OPRM1: variants seen among roughly 807,000 people sequenced by gnomAD.
OPRM1 encodes the protein opioid receptor mu 1.
Under a neutral mutation model 31.8 loss-of-function variants are expected in OPRM1, and 27 were observed. The observed-to-expected ratio is 0.85, with a 90% CI of 0.63 to 1.17. The LOEUF (loss-of-function observed/expected upper bound fraction) is 1.17. Among genes scored for constraint, OPRM1 ranks in the 50% most tolerant of loss-of-function variants. OPRM1 has a pLI of 0.00. For synonymous variants in OPRM1, 196 were observed against 189.9 expected (o/e 1.03, Z -0.26); for missense variants, 536 against 511.1 (o/e 1.05, Z -0.47).
chr6:154,243,601 T>C (rs978928523), intron 3 of OPRM1, among the ~76,000 whole-genome samples: 5 of 152,222 alleles, frequency 3.3e-5, no homozygotes, highest in East Asian at 3.9e-4. Context: ...AGATCACATG[T>C]AATTTCAAAG....
chr6:154,232,120 G>A lies in OPRM1; in HGVS notation c.1165-14573G>A, dbSNP rs75401412. The stretch of plus-strand genomic sequence containing the variant: ...CCCCTCCTTCTCTCCATACAATAGC[G>A]TCCATGGCACTGCAACTCATCTGCC... On this transcript the variant is annotated intron_variant, in intron 3 of 3. Transcript: ENST00000337049. Among the ~76,000 whole-genome samples, 7 of 152,014 alleles carry A rather than the reference G, an allele frequency of 4.6e-5. No homozygotes were observed. The South Asian group carries it at 6.2e-4, about 14-fold the overall frequency.
At position 154,039,387 on chromosome 6, in the gene OPRM1, G is replaced by T. The variant is rs202041918; in HGVS notation, c.-158G>T. On this transcript the variant is annotated 5_prime_UTR_variant, in exon 1 of 4. Coordinates refer to ENST00000330432, the MANE Select transcript of OPRM1 (RefSeq NM_000914.5). ...TCAGATGCTCAGCTCGGTCCCCTCC[G>T]CCTGACGCTCCTCTCTGTCTCAGCC... is the stretch of plus-strand genomic sequence containing the variant. 1 of 1,546,034 alleles carries T rather than the reference G, an allele frequency of 6.5e-7. No individual in the cohort carries two copies. The highest frequency in any genetic ancestry group is 8.7e-7 in the Non-Finnish European group (1 of 1,143,416).
chr6:154,013,968 C>CAAAGAACAGA (rs1562367570), intron 1 of OPRM1, among the ~76,000 whole-genome samples: 1 of 151,990 alleles, frequency 6.6e-6, no homozygotes, highest in Non-Finnish European at 1.5e-5. Context: ...GGTCATCCTA[C>CAAAGAACAGA]GCATTGAGAG....
rs1799652548 is a variant in OPRM1, at chr6:154,168,908, A to C, written c.1164+77436A>C. On this transcript the variant is annotated intron_variant, in intron 3 of 3. Coordinates refer to the OPRM1 transcript ENST00000337049. The surrounding 1 kb of genome is among the most constrained non-coding windows in gnomAD (Gnocchi z 4.1). ...GGTGTGAGCCACCACGCCCAGCCCA[A>C]CATATGAATTTTAGAGGGACACAAT... 6.6e-6 allele frequency among the ~76,000 whole-genome samples: 1 copy of C among 151,754 alleles called. No homozygotes were observed. Among genetic ancestry groups the C allele is most frequent in the Non-Finnish European group, 1.5e-5 (1 of 67,956 alleles).
chr6:154,226,225 T>C (rs1441200273), intron 3 of OPRM1, among the ~76,000 whole-genome samples: 1 of 152,180 alleles, frequency 6.6e-6, no homozygotes, highest in Admixed American at 6.5e-5. Flanking sequence ...CCAAAACCCA[T>C]ACCTTGTATC....
At chr6:154,213,266 G>C (rs1778113462) in intron 3 of OPRM1, 1 of 191,172 alleles carries the variant, frequency 5.2e-6, no homozygotes, top group Non-Finnish European at 1.1e-5. Flanking sequence ...CTCTGGCTGA[G>C]GGAGCAGGCT....
intron 3 of OPRM1, among the ~76,000 whole-genome samples, chr6:154,209,375 G>C (rs1225060330): frequency 6.6e-6 from 1 of 152,184 alleles, no homozygotes. Context: ...CTATGACTGA[G>C]TGCAGTGGCT....
At chr6:154,018,956 T>C (rs1014559444) in intron 1 of OPRM1, among the ~76,000 whole-genome samples, 2 of 152,204 alleles carry the variant, frequency 1.3e-5, no homozygotes, top group Non-Finnish European at 2.9e-5. Context: ...ATTACTTTTT[T>C]TTATTTTTTA....
rs201310502 is a variant in OPRM1 at position 154,039,759 on chromosome 6, C to G, written c.215C>G (p.Thr72Arg). The G allele has an allele frequency of 1.9e-6, 3 of 1,605,934 alleles. No individual in the cohort carries two copies. Among genetic ancestry groups the G allele is most frequent in the South Asian group, 1.1e-5 (1 of 91,048 alleles). ...AGTCCCTCCATGATCACGGCCATCA[C>G]GATCATGGCCCTCTACTCCATCGTG... is the stretch of plus-strand genomic sequence containing the variant. ...TGSPSMITAI[T>R]IMALYSIVCV... is the part of the protein sequence containing the mutation. The change falls in exon 1 of 4, where the codon ACG (threonine) becomes AGG (arginine). Residue 72 changes from threonine to arginine, a missense_variant. Transcript: ENST00000330432.
In OPRM1 at chr6:154,090,981, C is replaced by T. The variant is rs759705066; in HGVS notation, c.673C>T (p.His225Tyr). ...CATAGATTGTACACTAACATTCTCTCATCCAACCTGGTACTGGGAAAACCT... is the reference window on the plus strand; with the variant it reads ...CATAGATTGTACACTAACATTCTCTTATCCAACCTGGTACTGGGAAAACCT... ...GSIDCTLTFSHPTWYWENLLK... is the reference protein window; with the variant it reads ...GSIDCTLTFSYPTWYWENLLK... Residue 225 changes from histidine (H) to tyrosine (Y), a missense_variant, in exon 3 of 4, where the codon CAT becomes TAT. By Grantham distance (83) the His-to-Tyr change is moderately conservative. Coordinates refer to ENST00000330432, the MANE Select transcript of OPRM1 (RefSeq NM_000914.5). The T allele has an allele frequency of 1.2e-6, 2 of 1,614,018 alleles. No homozygotes were observed. Among genetic ancestry groups the T allele is most frequent in the Non-Finnish European group, 1.7e-6 (2 of 1,179,916 alleles).
At position 154,126,528 on chromosome 6, in the gene OPRM1, T is replaced by C. The variant is rs576158805; in HGVS notation, c.*7807T>C. Among the ~76,000 whole-genome samples the C allele has an allele frequency of 1.0e-3, 153 of 152,326 alleles. No homozygotes were observed. The highest frequency in any genetic ancestry group is 1.6e-3 in the Non-Finnish European group (109 of 68,022). On this transcript the variant is annotated 3_prime_UTR_variant, in exon 4 of 4. Transcript: ENST00000330432. The stretch of plus-strand genomic sequence containing the variant: ...CATAGGCTCTTCTTCCCTGGTTCCC[T>C]CAGGAGCTGGGTTTCTGGGTTGCAG...
intron 1 of OPRM1, among the ~76,000 whole-genome samples, chr6:154,022,988 T>C (rs529091785): frequency 6.6e-6 from 1 of 151,322 alleles, no homozygotes; most frequent in South Asian, 2.1e-4. Context: ...GTAATGTGAT[T>C]CTTCCAGTTT....
intron 1 of OPRM1, among the ~76,000 whole-genome samples, chr6:154,016,409 T>A (rs1778007504): frequency 6.6e-6 from 1 of 152,140 alleles, no homozygotes. Context: ...TGACAACAAT[T>A]ACCTAAGGAT....
intron 1 of OPRM1, among the ~76,000 whole-genome samples, chr6:154,042,523 G>C (rs1780286813): frequency 6.6e-6 from 1 of 152,106 alleles, no homozygotes; most frequent in Admixed American, 6.6e-5. Flanking sequence ...TGAATCATGA[G>C]GCTCAGATGA....
chr6:154,231,670 T>C (rs900111443), intron 3 of OPRM1, among the ~76,000 whole-genome samples: 32 of 152,162 alleles, frequency 2.1e-4, no homozygotes, highest in African/African-American at 5.8e-4. Context: ...TGACTCAATA[T>C]ACACACTTGC....
intron 3 of OPRM1, chr6:154,108,313 C>G: frequency 3.6e-6 from 1 of 274,574 alleles, no homozygotes; most frequent in Non-Finnish European, 6.7e-6. Flanking sequence ...AGTTTCAACA[C>G]GTGCTCTCTG....
At chr6:154,236,685 G>A (rs1404691689) in intron 3 of OPRM1, among the ~76,000 whole-genome samples, 1 of 152,158 alleles carries the variant, frequency 6.6e-6, no homozygotes, top group Non-Finnish European at 1.5e-5. Flanking sequence ...TGCTGTTAAT[G>A]AGCACCATCT....
At chr6:154,023,800 A>G (rs1261795931) in intron 1 of OPRM1, among the ~76,000 whole-genome samples, 3 of 152,126 alleles carry the variant, frequency 2.0e-5, no homozygotes, top group Non-Finnish European at 1.5e-5. Context: ...GTATCAATTG[A>G]TATGATCATA....
chr6:154,194,170 C>T (rs1350536871), intron 3 of OPRM1, among the ~76,000 whole-genome samples: 8 of 152,094 alleles, frequency 5.3e-5, no homozygotes, highest in East Asian at 1.9e-4. Flanking sequence ...GAGGCCGAGG[C>T]GGGTGGATCA....
Sources: allele counts gnomAD v4.1 joint callset (sites outside exome capture counted in the v4.1 genomes callset), GRCh38; gene constraint gnomAD v4.1.1; non-coding constraint Gnocchi (gnomAD v3.1); transcripts MANE v1.5; gene names NCBI Gene and HGNC (gene_info 2026-07-23, HGNC 2026-07-21).